Variants in EML5 observed in about 807,000 individuals in gnomAD.
EML5 encodes the protein echinoderm microtubule-associated protein-like 5.
Under a neutral mutation model 250.0 loss-of-function variants are expected in EML5, and 120 were observed. The observed-to-expected ratio is 0.48, with a 90% CI of 0.41 to 0.56. EML5 has a LOEUF of 0.56. Ranked by LOEUF, EML5 falls within the 20% of genes least tolerant of loss-of-function variation. The probability of loss-of-function intolerance (pLI) is 0.00; values close to 1 mark genes in which losing one functional copy is unlikely to be tolerated. For synonymous variants in EML5, 771 were observed against 806.5 expected (o/e 0.96, Z 0.75); for missense variants, 2,006 against 2,437.6 (o/e 0.82, Z 3.73).
At chr14:88,709,616 G>C (rs1402564872) in intron 10 of EML5, among the ~76,000 whole-genome samples, 2 of 152,132 alleles carry the variant, frequency 1.3e-5, no homozygotes, top group African/African-American at 2.4e-5. Flanking sequence ...TGAATCAATA[G>C]GCTTTGTAAA....
At chr14:88,695,239 A>G in intron 16 of EML5, 122 bp downstream of exon 16, 2 of 693,640 alleles carry the variant, frequency 2.9e-6, no homozygotes, top group Non-Finnish European at 4.8e-6. Context: ...CAATGGTAAT[A>G]AACATGGAAG....
chr14:88,729,262 A>G (rs773517917), intron 7 of EML5, among the ~76,000 whole-genome samples: 39 of 152,184 alleles, frequency 2.6e-4, no homozygotes, highest in Non-Finnish European at 1.3e-4. Flanking sequence ...TGAAAATAGC[A>G]TAACTGTCTT....
chr14:88,763,526 CA>C (rs1008640063), intron 1 of EML5, among the ~76,000 whole-genome samples: 1 of 151,336 alleles, frequency 6.6e-6, no homozygotes, highest in African/African-American at 2.4e-5. Flanking sequence ...GCCTACCAAC[CA>C]AAAAAAAGCC....
chr14:88,766,517 A>C (rs931024877), intron 1 of EML5, among the ~76,000 whole-genome samples: 3 of 152,110 alleles, frequency 2.0e-5, no homozygotes, highest in African/African-American at 7.2e-5. Context: ...CCTGCCTAAT[A>C]AATTTTGGTC....
In EML5 at chr14:88,620,563, C is replaced by A; in HGVS notation, c.5375+191G>T. On this transcript the variant is annotated intron_variant, in intron 39 of 43. Coordinates refer to ENST00000554922, the MANE Select transcript of EML5 (RefSeq NM_183387.3). This position sits in a 1 kb window ranked among gnomAD's most constrained non-coding sequence, Gnocchi z 4.3. ...CTAGTACTTGCTATTATAGTTGGTG[C>A]CCAGTGGGTTTATAATTTAGCAAGA... The A allele has an allele frequency of 2.2e-6, 1 of 456,392 alleles. No individual in the cohort carries two copies. Among genetic ancestry groups the A allele is most frequent in the Non-Finnish European group, 3.8e-6 (1 of 266,392 alleles). The allele number at this position is 456,392 out of a possible 1,614,324, so 28.3% of individuals were successfully genotyped here.
chr14:88,774,760 C>T (rs1362381682), intron 1 of EML5, among the ~76,000 whole-genome samples: 1 of 152,182 alleles, frequency 6.6e-6, no homozygotes, highest in Non-Finnish European at 1.5e-5. Flanking sequence ...TCTAAACTCA[C>T]TCCTTCAGTG....
At chr14:88,625,932 AAGGAAAG>A (rs1418848254) in intron 35 of EML5, 1 of 152,198 alleles carries the variant, frequency 6.6e-6, no homozygotes, top group Non-Finnish European at 1.5e-5. Flanking sequence ...CAGGATATTA[AAGGAAAG>A]AGATGTGGAT....
chr14:88,666,561 C>T (rs957957805), intron 21 of EML5, among the ~76,000 whole-genome samples: 25 of 151,950 alleles, frequency 1.6e-4, no homozygotes, highest in Non-Finnish European at 2.8e-4. Flanking sequence ...TCTAATAGGC[C>T]ATTATTAAAG....
chr14:88,786,119 T>A (rs1400565889), intron 1 of EML5, among the ~76,000 whole-genome samples: 1 of 152,182 alleles, frequency 6.6e-6, no homozygotes, highest in Non-Finnish European at 1.5e-5. Context: ...TTACTTAACA[T>A]GTCCTTTCCA....
intron 14 of EML5, among the ~76,000 whole-genome samples, 176 bp from the exon 15 acceptor site, chr14:88,697,128 A>T (rs1327389402): frequency 6.6e-6 from 1 of 152,204 alleles, no homozygotes; most frequent in Non-Finnish European, 1.5e-5. Flanking sequence ...ATGCTTGTTC[A>T]AAAGCTAATG....
chr14:88,694,464 T>C (rs950420553), intron 16 of EML5, 57 bp from the exon 17 acceptor site: 1 of 1,204,096 alleles, frequency 8.3e-7, no homozygotes, highest in African/African-American at 1.5e-5. Context: ...TGTATTAATC[T>C]CTTGCCTAAT....
intron 1 of EML5, among the ~76,000 whole-genome samples, chr14:88,776,318 A>G (rs949681783): frequency 1.3e-5 from 2 of 152,192 alleles, no homozygotes; most frequent in African/African-American, 4.8e-5. Flanking sequence ...GCCTTTCAGA[A>G]AGAGACTTCA....
In EML5 at chr14:88,619,130, C is replaced by T. The variant is rs982821617; in HGVS notation, c.5376-318G>A. ...CCTATAATCCCAGAACTTTGGGAAGCGGAGGCGGGCAGATCACCTGAGGTC... is the reference window on the plus strand; with the variant it reads ...CCTATAATCCCAGAACTTTGGGAAGTGGAGGCGGGCAGATCACCTGAGGTC... On this transcript the variant is annotated intron_variant, in intron 39 of 43. Coordinates refer to ENST00000554922, the MANE Select transcript of EML5 (RefSeq NM_183387.3). 6 of 174,476 alleles carry T rather than the reference C, an allele frequency of 3.4e-5. No individual in the cohort carries two copies. The South Asian group carries it at 4.8e-4, about 14-fold the overall frequency. 10.8% of individuals were successfully genotyped at this position (174,476 alleles called of 1,614,324 possible).
chr14:88,643,579 A>G (rs2091187712), intron 30 of EML5, among the ~76,000 whole-genome samples: 1 of 152,186 alleles, frequency 6.6e-6, no homozygotes, highest in South Asian at 2.1e-4. Context: ...CCCAGGGGGA[A>G]TCTATCCCCC....
At chr14:88,699,997 C>T (rs2093171875) in intron 14 of EML5, among the ~76,000 whole-genome samples, 1 of 152,106 alleles carries the variant, frequency 6.6e-6, no homozygotes, top group Non-Finnish European at 1.5e-5. Context: ...CATATACACA[C>T]AGAATAATTT....
intron 7 of EML5, among the ~76,000 whole-genome samples, chr14:88,736,131 G>A (rs2093836857): frequency 6.6e-6 from 1 of 151,708 alleles, no homozygotes; most frequent in Admixed American, 6.6e-5. Flanking sequence ...CTCCCAAGTA[G>A]CTGGGATTAC....
chr14:88,697,626 ACTTT>A, intron 14 of EML5, among the ~76,000 whole-genome samples: 2 of 152,336 alleles, frequency 1.3e-5, no homozygotes, highest in South Asian at 4.1e-4. Flanking sequence ...TCAAGTAATC[ACTTT>A]CTTTAACCAT....
intron 28 of EML5, among the ~76,000 whole-genome samples, chr14:88,648,648 C>T (rs2091469793): frequency 1.3e-5 from 2 of 152,072 alleles, no homozygotes; most frequent in East Asian, 1.9e-4. Context: ...TAAACCACTG[C>T]ACCCGGTCAA....
At chr14:88,694,022 C>T (rs1259448084) in intron 17 of EML5, among the ~76,000 whole-genome samples, 1 of 151,758 alleles carries the variant, frequency 6.6e-6, no homozygotes, top group Admixed American at 6.6e-5. Flanking sequence ...ATCCTCCCAC[C>T]TTGGCCTCCC....
Sources: gnomAD v4.1 joint callset for allele counts (sites outside exome capture counted in the v4.1 genomes callset) on GRCh38, gnomAD v4.1.1 for gene constraint, Gnocchi (gnomAD v3.1) non-coding constraint, MANE v1.5 for transcripts, NCBI Gene and HGNC (gene_info 2026-07-23, HGNC 2026-07-21) for gene names.